Variants in TMEM132C observed in about 807,000 individuals in gnomAD.
TMEM132C encodes transmembrane protein 132C.
A neutral mutation model predicts 61.4 loss-of-function variants in TMEM132C; 29 were observed. The observed-to-expected ratio is 0.47, with a 90% CI of 0.35 to 0.64. TMEM132C has a LOEUF of 0.64. Ranked by LOEUF, TMEM132C falls within the 30% of genes least tolerant of loss-of-function variation. The pLI, the probability that TMEM132C is intolerant of heterozygous loss-of-function variation, is 0.00. For synonymous variants in TMEM132C, 656 were observed against 633.1 expected (o/e 1.04, Z -0.54); for missense variants, 1,408 against 1,476.9 (o/e 0.95, Z 0.76).
intron 6 of TMEM132C, among the ~76,000 whole-genome samples, chr12:128,694,494 T>G (rs1244330505): frequency 3.9e-5 from 6 of 152,248 alleles, no homozygotes; most frequent in Non-Finnish European, 7.3e-5. Context: ...CTAATTTTTT[T>G]GGGATTCCGG....
chr12:128,301,210 T>C (rs1871585729), intron 1 of TMEM132C, among the ~76,000 whole-genome samples: 1 of 151,852 alleles, frequency 6.6e-6, no homozygotes, highest in African/African-American at 2.4e-5. Context: ...GGAAAGGAAG[T>C]GTAGGGAGGA....
intron 2 of TMEM132C, among the ~76,000 whole-genome samples, chr12:128,462,403 G>T (rs1870564677): frequency 1.3e-5 from 2 of 152,188 alleles, no homozygotes; most frequent in African/African-American, 4.8e-5. Flanking sequence ...AGACAGTGGA[G>T]GTATCAGCGG....
At chr12:128,363,652 C>T (rs1169368666) in intron 1 of TMEM132C, among the ~76,000 whole-genome samples, 3 of 152,020 alleles carry the variant, frequency 2.0e-5, no homozygotes, top group African/African-American at 4.8e-5. Context: ...CGAGACCAGG[C>T]TGGCCAACAT....
intron 2 of TMEM132C, among the ~76,000 whole-genome samples, chr12:128,467,750 A>G (rs1565944643): frequency 6.6e-6 from 1 of 152,202 alleles, no homozygotes; most frequent in Non-Finnish European, 1.5e-5. Context: ...GATCAGCTGC[A>G]TCTGGAGCAA....
At chr12:128,639,377 T>C (rs1954137097) in intron 4 of TMEM132C, among the ~76,000 whole-genome samples, 1 of 152,098 alleles carries the variant, frequency 6.6e-6, no homozygotes, top group Non-Finnish European at 1.5e-5. Context: ...GTGATAATGG[T>C]AGTGGTAAAG....
At chr12:128,566,814 A>G (rs991579685) in intron 3 of TMEM132C, among the ~76,000 whole-genome samples, 8 of 152,196 alleles carry the variant, frequency 5.3e-5, no homozygotes, top group Non-Finnish European at 1.0e-4. Flanking sequence ...AGTAACTGAA[A>G]TTTAACAAGT....
At chr12:128,601,444 T>A (rs1876183347) in intron 3 of TMEM132C, among the ~76,000 whole-genome samples, 1 of 152,208 alleles carries the variant, frequency 6.6e-6, no homozygotes. Flanking sequence ...GTGTCCTTGC[T>A]GCCATGGGAC....
At position 128,414,732 on chromosome 12, in the gene TMEM132C, T is replaced by A; in HGVS notation, c.86T>A (p.Val29Glu). Residue 29 changes from valine (V) to glutamate (E), a missense_variant and splice_region_variant, in exon 2 of 9, where the codon GTG (valine) becomes GAG (glutamate). Physicochemically the swap from Val to Glu is moderately radical, Grantham distance 121 (BLOSUM62 -2). Coordinates refer to ENST00000435159, the MANE Select transcript of TMEM132C (RefSeq NM_001136103.3). ...SLLLGALLGK[V>E]IEGHGVTDNI... ...CTTTTCTTTCTTTTTCCCTTTTTAGTGATAGAGGGTCACGGGGTCACAGAC... is the reference window on the plus strand; with the variant it reads ...CTTTTCTTTCTTTTTCCCTTTTTAGAGATAGAGGGTCACGGGGTCACAGAC... 6.6e-7 allele frequency: 1 copy of A among 1,508,228 alleles called. No individual in the cohort carries two copies. The highest frequency in any genetic ancestry group is 8.8e-7 in the Non-Finnish European group (1 of 1,131,802). The allele number at this position is 1,508,228 out of a possible 1,614,324, so 93.4% of individuals were successfully genotyped here.
intron 4 of TMEM132C, among the ~76,000 whole-genome samples, chr12:128,667,116 T>G (rs925439470): frequency 6.6e-6 from 1 of 152,188 alleles, no homozygotes; most frequent in Non-Finnish European, 1.5e-5. Flanking sequence ...GATAGAGATA[T>G]ATATACATAC....
chr12:128,381,875 C>T (rs546483338), intron 1 of TMEM132C, among the ~76,000 whole-genome samples: 2 of 152,258 alleles, frequency 1.3e-5, no homozygotes, highest in African/African-American at 4.8e-5. Context: ...AGTCTAGCAA[C>T]CTCTTAAGAG....
At chr12:128,303,186 A>G (rs1871651853) in intron 1 of TMEM132C, among the ~76,000 whole-genome samples, 1 of 152,218 alleles carries the variant, frequency 6.6e-6, no homozygotes, top group South Asian at 2.1e-4. Flanking sequence ...GAATTATTCT[A>G]TCTACTTGTG....
chr12:128,483,755 C>T (rs1319828938), intron 2 of TMEM132C, among the ~76,000 whole-genome samples: 1 of 152,022 alleles, frequency 6.6e-6, no homozygotes, highest in East Asian at 1.9e-4. Flanking sequence ...TGAAACATAG[C>T]CATCGTTAGA....
At chr12:128,601,763 G>T (rs1425146211) in intron 3 of TMEM132C, among the ~76,000 whole-genome samples, 1 of 152,198 alleles carries the variant, frequency 6.6e-6, no homozygotes, top group Non-Finnish European at 1.5e-5. Flanking sequence ...TATTAGGCTT[G>T]TGAGAAAGTA....
chr12:128,640,452 T>C (rs1256169400), intron 4 of TMEM132C, among the ~76,000 whole-genome samples: 2 of 152,014 alleles, frequency 1.3e-5, no homozygotes, highest in Admixed American at 6.5e-5. Context: ...AAAAGGAGCT[T>C]AGTGGCCGCC....
At chr12:128,458,243 A>ATATAATATTTAGTATTATAATTATATAAT in intron 2 of TMEM132C, among the ~76,000 whole-genome samples, 2 of 146,152 alleles carry the variant, frequency 1.4e-5, no homozygotes, top group East Asian at 2.0e-4. Context: ...GAGTATTATA[A>ATATAATATTTAGTATTATAATTATATAAT]TATAATATTT....
At chr12:128,597,678 T>C (rs913013915) in intron 3 of TMEM132C, among the ~76,000 whole-genome samples, 9 of 152,226 alleles carry the variant, frequency 5.9e-5, no homozygotes, top group African/African-American at 2.2e-4. Context: ...GTTTCTCATC[T>C]AGAGGTGCTT....
At chr12:128,378,431 T>A (rs28607948) in intron 1 of TMEM132C, among the ~76,000 whole-genome samples, 9 of 151,520 alleles carry the variant, frequency 5.9e-5, no homozygotes, top group African/African-American at 2.2e-4. Flanking sequence ...CAGATTTTTT[T>A]AAAAAAATTA....
At chr12:128,489,179 C>A (rs1404994391) in intron 2 of TMEM132C, among the ~76,000 whole-genome samples, 3 of 152,068 alleles carry the variant, frequency 2.0e-5, no homozygotes, top group Admixed American at 6.6e-5. Flanking sequence ...CCTGTCCACC[C>A]CAGTCAGTAC....
At chr12:128,541,899 C>T (rs1873771494) in intron 2 of TMEM132C, among the ~76,000 whole-genome samples, 1 of 152,152 alleles carries the variant, frequency 6.6e-6, no homozygotes, top group Admixed American at 6.5e-5. Context: ...TCTCAGCATT[C>T]AGCACACATG....
Sources: gnomAD v4.1 joint callset for allele counts (sites outside exome capture counted in the v4.1 genomes callset) on GRCh38, gnomAD v4.1.1 for gene constraint, MANE v1.5 for transcripts, NCBI Gene and HGNC (gene_info 2026-07-23, HGNC 2026-07-21) for gene names.